DRC11: variants seen among roughly 807,000 people sequenced by gnomAD.
DRC11 encodes IQ and AAA domain-containing protein 1.
the DRC11 span, among the ~76,000 whole-genome samples, chr2:236,459,601 A>ATACATACGTATATACGTATATACGTACG: frequency 8.2e-6 from 1 of 121,556 alleles, no homozygotes; most frequent in Non-Finnish European, 1.8e-5. Flanking sequence ...ATACGTATAC[A>ATACATACGTATATACGTATATACGTACG]TATATACGTA....
the DRC11 span, among the ~76,000 whole-genome samples, chr2:236,414,957 T>C: frequency 6.6e-6 from 1 of 152,242 alleles, no homozygotes; most frequent in Non-Finnish European, 1.5e-5. Flanking sequence ...CACTGATTCA[T>C]TGTGAAATTC....
the DRC11 span, among the ~76,000 whole-genome samples, chr2:236,495,966 G>A: frequency 1.3e-5 from 2 of 152,318 alleles, no homozygotes; most frequent in South Asian, 2.1e-4. The surrounding 1 kb of genome is among the most constrained non-coding windows in gnomAD (Gnocchi z 5.6). Context: ...AGGCAAGGCC[G>A]TGGAGTAGCC....
At chr2:236,486,749 A>C in the DRC11 span, 5 of 950,768 alleles carry the variant, frequency 5.3e-6, no homozygotes, top group South Asian at 7.5e-5. The surrounding 1 kb of genome is among the most constrained non-coding windows in gnomAD (Gnocchi z 5.7). Flanking sequence ...CTTCCCTCAA[A>C]AACTCTCAGA....
chr2:236,445,479 T>C, the DRC11 span, among the ~76,000 whole-genome samples: 349 of 151,918 alleles, frequency 2.3e-3, 3 homozygotes, highest in Middle Eastern at 3.4e-3. This position sits in a 1 kb window ranked among gnomAD's most constrained non-coding sequence, Gnocchi z 4.8. Flanking sequence ...ACTACAGGTA[T>C]GCACCACCAT....
chr2:236,368,291 G>C, the DRC11 span: 2 of 1,584,366 alleles, frequency 1.3e-6, no homozygotes, highest in East Asian at 2.3e-5. Flanking sequence ...TCCCCAGGTA[G>C]CTGTACTCAC....
chr2:236,416,768 T>TAAAA, the DRC11 span, among the ~76,000 whole-genome samples: 12 of 92,938 alleles, frequency 1.3e-4, 1 homozygote, highest in South Asian at 3.5e-3. Flanking sequence ...TATATATATA[T>TAAAA]AAATAATTTT....
At chr2:236,320,334 A>G in the DRC11 span, among the ~76,000 whole-genome samples, 2 of 152,210 alleles carry the variant, frequency 1.3e-5, no homozygotes, top group Admixed American at 6.5e-5. Context: ...CAAGGACAGG[A>G]CAAGCCACTT....
the DRC11 span, among the ~76,000 whole-genome samples, chr2:236,396,700 A>C: frequency 6.6e-6 from 1 of 152,308 alleles, no homozygotes; most frequent in East Asian, 1.9e-4. Context: ...TATAATAAAA[A>C]ACCTGTCCCA....
chr2:236,498,524 A>T, the DRC11 span, among the ~76,000 whole-genome samples: 4 of 151,580 alleles, frequency 2.6e-5, no homozygotes, highest in Admixed American at 2.0e-4. Flanking sequence ...AGCTCTCTGG[A>T]ATGCACCAGC....
At chr2:236,324,740 G>A in the DRC11 span, 42 of 1,604,922 alleles carry the variant, frequency 2.6e-5, no homozygotes, top group Non-Finnish European at 3.2e-5. The surrounding 1 kb of genome is among the most constrained non-coding windows in gnomAD (Gnocchi z 5.7). Flanking sequence ...TCCTGTTATC[G>A]CCAAGGCACG....
At chr2:236,468,223 C>T in the DRC11 span, among the ~76,000 whole-genome samples, 4 of 152,076 alleles carry the variant, frequency 2.6e-5, no homozygotes, top group South Asian at 2.1e-4. Context: ...TCCCAAGTAG[C>T]GGGAGTACAG....
chr2:236,433,895 G>A, the DRC11 span, among the ~76,000 whole-genome samples: 1 of 152,190 alleles, frequency 6.6e-6, no homozygotes, highest in Admixed American at 6.5e-5. Context: ...TTTGAATTAA[G>A]AAATATTTTA....
At chr2:236,483,621 C>T in the DRC11 span, among the ~76,000 whole-genome samples, 1 of 151,944 alleles carries the variant, frequency 6.6e-6, no homozygotes, top group Non-Finnish European at 1.5e-5. The surrounding 1 kb of genome is among the most constrained non-coding windows in gnomAD (Gnocchi z 4.8). Context: ...GAATTCTTTC[C>T]TCAAGCAAAA....
the DRC11 span, among the ~76,000 whole-genome samples, chr2:236,313,704 A>G: frequency 6.3e-4 from 96 of 152,346 alleles, no homozygotes; most frequent in African/African-American, 2.3e-3. This position sits in a 1 kb window ranked among gnomAD's most constrained non-coding sequence, Gnocchi z 4.5. Context: ...TGATGAATCC[A>G]TACCATAAAA....
the DRC11 span, among the ~76,000 whole-genome samples, chr2:236,319,772 G>A: frequency 6.6e-6 from 1 of 152,178 alleles, no homozygotes; most frequent in Non-Finnish European, 1.5e-5. This position sits in a 1 kb window ranked among gnomAD's most constrained non-coding sequence, Gnocchi z 6.7. Context: ...GTTAAGAAAA[G>A]CTAAAGAATC....
chr2:236,324,827 A>G, the DRC11 span: 1 of 1,303,256 alleles, frequency 7.7e-7, no homozygotes, highest in Non-Finnish European at 1.1e-6. This position sits in a 1 kb window ranked among gnomAD's most constrained non-coding sequence, Gnocchi z 5.7. Flanking sequence ...AATGACACCA[A>G]TTCACCGCAA....
At chr2:236,369,354 C>T in the DRC11 span, among the ~76,000 whole-genome samples, 1 of 152,108 alleles carries the variant, frequency 6.6e-6, no homozygotes, top group Non-Finnish European at 1.5e-5. This position sits in a 1 kb window ranked among gnomAD's most constrained non-coding sequence, Gnocchi z 4.5. Flanking sequence ...ACAAAACGTC[C>T]TTGGCAAGGA....
At chr2:236,391,826 C>A in the DRC11 span, 6 of 673,358 alleles carry the variant, frequency 8.9e-6, no homozygotes, top group Non-Finnish European at 1.3e-5. The surrounding 1 kb of genome is among the most constrained non-coding windows in gnomAD (Gnocchi z 4.5). Flanking sequence ...AAATGGTGGA[C>A]CAATTAAATT....
chr2:236,336,778 C>T, the DRC11 span, among the ~76,000 whole-genome samples: 8 of 152,170 alleles, frequency 5.3e-5, no homozygotes, highest in Non-Finnish European at 8.8e-5. The surrounding 1 kb of genome is among the most constrained non-coding windows in gnomAD (Gnocchi z 7.3). Flanking sequence ...CACCGCTCCC[C>T]GCCAGTGCAG....
Sources: gnomAD v4.1 joint callset for allele counts (sites outside exome capture counted in the v4.1 genomes callset) on GRCh38, gnomAD v4.1.1 for gene constraint, Gnocchi (gnomAD v3.1) non-coding constraint, MANE v1.5 for transcripts, NCBI Gene and HGNC (gene_info 2026-07-23, HGNC 2026-07-21) for gene names.